The following CFAP57 variants were observed in gnomAD, a reference collection of about 807,000 sequenced individuals.
CFAP57 encodes cilia and flagella associated protein 57.
A neutral mutation model predicts 146.8 loss-of-function variants in CFAP57; 116 were observed. That is an observed-to-expected ratio of 0.79 (90% confidence interval 0.68 to 0.92). CFAP57 has a LOEUF of 0.92. Among genes scored for constraint, CFAP57 ranks in the 40% least tolerant of loss-of-function variants. CFAP57 has a pLI of 0.00. For missense variants in CFAP57, 1,377 were observed against 1,527.2 expected, an observed-to-expected ratio of 0.90 and a Z score of 1.64; for synonymous variants, 518 against 552.8, an observed-to-expected ratio of 0.94 and a Z score of 0.88.
At chr1:43,204,919 G>A (rs1185871403) in intron 9 of CFAP57, among the ~76,000 whole-genome samples, 1 of 152,170 alleles carries the variant, frequency 6.6e-6, no homozygotes, top group East Asian at 1.9e-4. Flanking sequence ...TGGCTTCCTA[G>A]GAGATGCCCC....
At chr1:43,209,047 G>A (rs559989549) in intron 10 of CFAP57, among the ~76,000 whole-genome samples, 1 of 152,006 alleles carries the variant, frequency 6.6e-6, no homozygotes, top group Admixed American at 6.6e-5. Context: ...TTTATTATTA[G>A]GTATTATTTA....
In CFAP57 at chr1:43,238,383, C is replaced by T. The variant is rs1259092677; in HGVS notation, c.3405+3745C>T. Among the ~76,000 whole-genome samples, 1 of 152,214 alleles carries T rather than the reference C, an allele frequency of 6.6e-6. No homozygotes were observed. The highest frequency in any genetic ancestry group is 1.9e-4 in the East Asian group (1 of 5,198). ...AAAGGCCAAAGGCAGTCCTGGACAGCTTGGCAGAGCCCCTTTGCTTAGAAA... is the reference window on the plus strand; with the variant it reads ...AAAGGCCAAAGGCAGTCCTGGACAGTTTGGCAGAGCCCCTTTGCTTAGAAA... On this transcript the variant is annotated intron_variant, in intron 21 of 22. Coordinates refer to ENST00000372492, the MANE Select transcript of CFAP57 (RefSeq NM_001378189.1). This position sits in a 1 kb window ranked among gnomAD's most constrained non-coding sequence, Gnocchi z 4.3.
At chr1:43,173,043 A>G in intron 2 of CFAP57, 133 bp downstream of exon 2, 1 of 755,056 alleles carries the variant, frequency 1.3e-6, no homozygotes, top group Non-Finnish European at 2.3e-6. Flanking sequence ...ATGTAGAGGA[A>G]ATAAATGGCG....
intron 17 of CFAP57, among the ~76,000 whole-genome samples, chr1:43,225,598 C>T (rs1370811997): frequency 1.3e-5 from 2 of 152,236 alleles, no homozygotes; most frequent in Admixed American, 6.5e-5. Context: ...TCACCTCTCA[C>T]TTCCCCCATG....
intron 21 of CFAP57, among the ~76,000 whole-genome samples, chr1:43,235,440 T>C (rs1645650079): frequency 6.6e-6 from 1 of 152,246 alleles, no homozygotes; most frequent in South Asian, 2.1e-4. Flanking sequence ...TATGTTCACA[T>C]TTCTTTATTG....
chr1:43,250,893 C>A (rs1646307981), intron 22 of CFAP57, among the ~76,000 whole-genome samples: 1 of 152,216 alleles, frequency 6.6e-6, no homozygotes, highest in Non-Finnish European at 1.5e-5. Flanking sequence ...GTTCCACCTA[C>A]AAATGGAAAT....
intron 2 of CFAP57, among the ~76,000 whole-genome samples, chr1:43,180,904 C>A (rs966307532): frequency 1.3e-5 from 2 of 152,112 alleles, no homozygotes; most frequent in African/African-American, 4.8e-5. Context: ...GCTCCAGCAA[C>A]ACCCACTGCT....
intron 13 of CFAP57, among the ~76,000 whole-genome samples, chr1:43,220,849 A>G (rs1645016602): frequency 6.6e-6 from 1 of 152,180 alleles, no homozygotes; most frequent in Non-Finnish European, 1.5e-5. Flanking sequence ...TGTATTAATT[A>G]ATTCACTTTA....
chr1:43,194,257 C>T (rs1345281148), intron 6 of CFAP57, among the ~76,000 whole-genome samples: 1 of 151,954 alleles, frequency 6.6e-6, no homozygotes, highest in Admixed American at 6.6e-5. Flanking sequence ...GCACTTTGAA[C>T]ATGTTATCCC....
At chr1:43,236,815 A>C (rs947632584) in intron 21 of CFAP57, among the ~76,000 whole-genome samples, 2 of 151,794 alleles carry the variant, frequency 1.3e-5, no homozygotes, top group Non-Finnish European at 2.9e-5. Context: ...AGGCTGAGGC[A>C]GGAGAATGGC....
At position 43,181,737 on chromosome 1, in the gene CFAP57, T is replaced by C; in HGVS notation, c.361T>C (p.Tyr121His). 1 of 1,614,172 alleles carries C rather than the reference T, an allele frequency of 6.2e-7. No homozygotes were observed. The highest frequency in any genetic ancestry group is 8.5e-7 in the Non-Finnish European group (1 of 1,180,022). ...ISMAFSPDSK[Y>H]LLAQTSPPES... is the part of the protein sequence containing the mutation. ...CATGGCTTTTTCTCCAGACTCCAAA[T>C]ACCTATTGGCTCAGACGTCACCTCC... The change falls in exon 3 of 23, where the codon TAC (tyrosine) becomes CAC (histidine). Residue 121 changes from tyrosine to histidine, a missense_variant. By Grantham distance (83) the Tyr-to-His change is moderately conservative. Coordinates refer to ENST00000372492, the MANE Select transcript of CFAP57 (RefSeq NM_001378189.1).
chr1:43,224,634 G>T, intron 17 of CFAP57, among the ~76,000 whole-genome samples: 1 of 152,204 alleles, frequency 6.6e-6, no homozygotes, highest in East Asian at 1.9e-4. Context: ...ACTCTCCTGG[G>T]ATTGACCCTG....
At chr1:43,173,069 CTAGAT>C (rs1305062707) in intron 2 of CFAP57, among the ~76,000 whole-genome samples, 159 bp downstream of exon 2, 1 of 152,162 alleles carries the variant, frequency 6.6e-6, no homozygotes, top group Non-Finnish European at 1.5e-5. Context: ...TATTATGAAA[CTAGAT>C]TAATCAGTCA....
chr1:43,175,007 C>A lies in CFAP57; in HGVS notation c.157+2097C>A, dbSNP rs191656045. Among the ~76,000 whole-genome samples, 13 of 152,178 alleles carry A rather than the reference C, an allele frequency of 8.5e-5. No individual in the cohort carries two copies. In the East Asian group the frequency reaches 2.5e-3, roughly 29 times the overall value. On this transcript the variant is annotated intron_variant, in intron 2 of 22. Coordinates refer to ENST00000372492, the MANE Select transcript of CFAP57 (RefSeq NM_001378189.1). ...CTGATAATGTATTAATAAATTCTCC[C>A]AGTTTTTGTCTGAAAATGACTTTAT...
At position 43,172,437 on chromosome 1, in the gene CFAP57, C is replaced by G. The variant is rs748599649; in HGVS notation, c.-36C>G. On this transcript the variant is annotated 5_prime_UTR_variant, in exon 1 of 23. Coordinates refer to ENST00000372492, the MANE Select transcript of CFAP57 (RefSeq NM_001378189.1). ...CTGGATACATGCGTGGTCTGCTGAC[C>G]CAGAGAGAAACGAAAGGTGGGAGGG... 5 of 1,549,722 alleles carry G rather than the reference C, an allele frequency of 3.2e-6. No individual in the cohort carries two copies. In the South Asian group the frequency reaches 4.8e-5, roughly 15 times the overall value.
rs779052991 is a variant in CFAP57 at position 43,198,641 on chromosome 1, G to C, written c.1423G>C (p.Gly475Arg). 1.2e-6 allele frequency: 2 copies of C among 1,602,618 alleles called. No individual in the cohort carries two copies. The highest frequency in any genetic ancestry group is 3.4e-5 in the Admixed American group (2 of 59,094). ...CAAAGAATACTCTGTTAGAGGATGC[G>C]GAGAGGTAAAAAAAAAACTGCTGAA... ...SFKEYSVRGC[G>R]ECSFSNGGHL... Residue 475 changes from glycine to arginine, a missense_variant, in exon 8 of 23, where the codon GGA (glycine) becomes CGA (arginine). Gly to Arg is a moderately radical substitution (Grantham distance 125). Transcript: ENST00000372492.
chr1:43,222,147 A>G lies in CFAP57; in HGVS notation c.2384A>G (p.Tyr795Cys). 1.3e-6 allele frequency: 2 copies of G among 1,548,806 alleles called. No homozygotes were observed. The highest frequency in any genetic ancestry group is 1.7e-6 in the Non-Finnish European group (2 of 1,145,946). The stretch of plus-strand genomic sequence containing the variant: ...AAGTTGCTTCTAGAATATGAGAAGT[A>G]CCAGGAGCTGCAGCTCAAGTCCCAG... ...NQKLLLEYEK[Y>C]QELQLKSQRM... Residue 795 changes from tyrosine to cysteine, a missense_variant, in exon 15 of 23, where the codon TAC (tyrosine) becomes TGC (cysteine). Transcript: ENST00000372492.
chr1:43,204,059 T>C (rs1227080646), intron 9 of CFAP57, among the ~76,000 whole-genome samples: 3 of 152,248 alleles, frequency 2.0e-5, no homozygotes, highest in Admixed American at 6.5e-5. Context: ...GTTCTTCCAA[T>C]TGCACAATCT....
chr1:43,225,249 A>G (rs1023288161), intron 17 of CFAP57, among the ~76,000 whole-genome samples: 2 of 152,074 alleles, frequency 1.3e-5, no homozygotes, highest in East Asian at 1.9e-4. Context: ...TACAGGTGCA[A>G]TGCTGCCACT....
Sources: gnomAD v4.1 joint callset for allele counts (sites outside exome capture counted in the v4.1 genomes callset) on GRCh38, gnomAD v4.1.1 for gene constraint, Gnocchi (gnomAD v3.1) non-coding constraint, MANE v1.5 for transcripts, NCBI Gene and HGNC (gene_info 2026-07-23, HGNC 2026-07-21) for gene names.